Variants in HS6ST3 observed in about 807,000 individuals in gnomAD.
HS6ST3 encodes heparan sulfate 6-O-sulfotransferase 3.
A neutral mutation model predicts 36.7 loss-of-function variants in HS6ST3; 12 were observed. The observed-to-expected ratio is 0.33, with a 90% CI of 0.21 to 0.53. The LOEUF is 0.53. Ranked by LOEUF, HS6ST3 falls within the 20% of genes least tolerant of loss-of-function variation. HS6ST3 has a pLI of 0.95. For missense variants in HS6ST3, 584 were observed against 640.9 expected (o/e 0.91, Z 0.96); for synonymous variants, 240 against 257.5 (o/e 0.93, Z 0.65).
At chr13:96,457,175 A>C (rs528604118) in intron 1 of HS6ST3, among the ~76,000 whole-genome samples, 1 of 152,244 alleles carries the variant, frequency 6.6e-6, no homozygotes, top group South Asian at 2.1e-4. Flanking sequence ...TCAGTGGACA[A>C]ACACTTATTC....
chr13:96,597,774 T>A (rs2056407442), intron 1 of HS6ST3, among the ~76,000 whole-genome samples: 1 of 152,136 alleles, frequency 6.6e-6, no homozygotes, highest in African/African-American at 2.4e-5. Flanking sequence ...TATTTTTTCT[T>A]AAGTTTTCTT....
intron 1 of HS6ST3, among the ~76,000 whole-genome samples, chr13:96,350,119 C>T (rs913159908): frequency 3.3e-5 from 5 of 152,196 alleles, no homozygotes; most frequent in Non-Finnish European, 7.3e-5. Flanking sequence ...GCCCAGATTG[C>T]ATAGTCTGCC....
Position 96,527,966 on chromosome 13 carries a change from C to T in HS6ST3, c.708-304524C>T, listed in dbSNP as rs150006893. 5.3e-5 allele frequency among the ~76,000 whole-genome samples: 8 copies of T among 152,220 alleles called. No homozygotes were observed. In the East Asian group the frequency reaches 1.2e-3, roughly 22 times the overall value. On this transcript the variant is annotated intron_variant, in intron 1 of 1. Coordinates refer to ENST00000376705, the MANE Select transcript of HS6ST3 (RefSeq NM_153456.4). Reference sequence around the variant, plus strand: ...CCTAGTGCCTTTCAAGGTGGGGGCACTAAACTCTTGTAGTCCCTATATTCT... The same window carrying T: ...CCTAGTGCCTTTCAAGGTGGGGGCATTAAACTCTTGTAGTCCCTATATTCT...
chr13:96,595,101 A>G (rs1444720474), intron 1 of HS6ST3, among the ~76,000 whole-genome samples: 1 of 152,144 alleles, frequency 6.6e-6, no homozygotes, highest in Non-Finnish European at 1.5e-5. Flanking sequence ...GCTGGAGTGC[A>G]GTGGCACAAT....
chr13:96,452,949 A>G (rs1042594943), intron 1 of HS6ST3, among the ~76,000 whole-genome samples: 1 of 152,106 alleles, frequency 6.6e-6, no homozygotes, highest in Non-Finnish European at 1.5e-5. Context: ...CTGGCAAGAG[A>G]CATGAGACCC....
intron 1 of HS6ST3, among the ~76,000 whole-genome samples, chr13:96,715,130 C>T (rs1205428481): frequency 6.6e-6 from 1 of 151,876 alleles, no homozygotes; most frequent in Admixed American, 6.6e-5. Flanking sequence ...AAACAAAAAT[C>T]CTGAATGAAG....
rs1042833055 is a variant in HS6ST3, at chr13:96,465,410, G to T, written c.708-367080G>T. Among the ~76,000 whole-genome samples, 3 of 152,154 alleles carry T rather than the reference G, an allele frequency of 2.0e-5. 1 individual carries two copies. The highest frequency in any genetic ancestry group is 4.8e-5 in the African/African-American group (2 of 41,438). ...AGGGAATACTACACAGCAATGAAAA[G>T]AATTGAAATACAGTTTGAGACTTCC... On this transcript the variant is annotated intron_variant, in intron 1 of 1. Coordinates refer to ENST00000376705, the MANE Select transcript of HS6ST3 (RefSeq NM_153456.4).
intron 1 of HS6ST3, among the ~76,000 whole-genome samples, chr13:96,535,031 C>T (rs2056149643): frequency 6.6e-6 from 1 of 152,044 alleles, no homozygotes; most frequent in Non-Finnish European, 1.5e-5. Context: ...GTAAGGCCTG[C>T]CCAGCTGTGT....
At chr13:96,162,278 T>G (rs1167432168) in intron 1 of HS6ST3, among the ~76,000 whole-genome samples, 2 of 152,070 alleles carry the variant, frequency 1.3e-5, no homozygotes, top group Non-Finnish European at 2.9e-5. Context: ...AAAGAGAAAG[T>G]AGAATAAGGG....
intron 1 of HS6ST3, among the ~76,000 whole-genome samples, chr13:96,427,659 C>T (rs184603690): frequency 2.3e-4 from 35 of 152,278 alleles, no homozygotes; most frequent in Non-Finnish European, 4.1e-4. Flanking sequence ...TATTTAACAT[C>T]TTGCATAATT....
intron 1 of HS6ST3, among the ~76,000 whole-genome samples, chr13:96,662,793 C>G (rs936039571): frequency 6.6e-6 from 1 of 151,974 alleles, no homozygotes; most frequent in Non-Finnish European, 1.5e-5. Context: ...GGGATGTTTT[C>G]TTTCCTCTTG....
chr13:96,701,689 G>A (rs951248296), intron 1 of HS6ST3, among the ~76,000 whole-genome samples: 9 of 152,158 alleles, frequency 5.9e-5, no homozygotes, highest in African/African-American at 2.2e-4. Flanking sequence ...ACCAGGCACG[G>A]TGTCTCACGC....
chr13:96,788,862 G>A (rs936519315), intron 1 of HS6ST3, among the ~76,000 whole-genome samples: 1 of 151,730 alleles, frequency 6.6e-6, no homozygotes, highest in Non-Finnish European at 1.5e-5. Flanking sequence ...CTTTTGATTA[G>A]TGTTTGCATG....
rs1035063943 is a variant in HS6ST3 at position 96,219,712 on chromosome 13, C to A, written c.707+128143C>A. 5.9e-5 allele frequency among the ~76,000 whole-genome samples: 9 copies of A among 151,922 alleles called. No individual in the cohort carries two copies. In the East Asian group the frequency reaches 1.4e-3, roughly 23 times the overall value. ...TTCTTTTTTTTTTTTGAGACGAAGT[C>A]TCACTCTGTCATCCAGGCTGGAGTG... On this transcript the variant is annotated intron_variant, in intron 1 of 1. Transcript: ENST00000376705.
chr13:96,524,894 C>T (rs987956587), intron 1 of HS6ST3, among the ~76,000 whole-genome samples: 1 of 152,192 alleles, frequency 6.6e-6, no homozygotes, highest in East Asian at 1.9e-4. Context: ...TGAGATGAAC[C>T]AGGTACCTTA....
At chr13:96,356,500 C>T (rs2055210851) in intron 1 of HS6ST3, among the ~76,000 whole-genome samples, 1 of 152,082 alleles carries the variant, frequency 6.6e-6, no homozygotes, top group African/African-American at 2.4e-5. Flanking sequence ...ACATTAATCT[C>T]CTTGTACATT....
At chr13:96,561,731 A>T (rs892287366) in intron 1 of HS6ST3, among the ~76,000 whole-genome samples, 1 of 152,222 alleles carries the variant, frequency 6.6e-6, no homozygotes, top group Non-Finnish European at 1.5e-5. Flanking sequence ...AGGAACAGAC[A>T]CTTCTCAAAA....
chr13:96,275,325 T>C (rs1334004286), intron 1 of HS6ST3, among the ~76,000 whole-genome samples: 2 of 152,184 alleles, frequency 1.3e-5, no homozygotes, highest in Admixed American at 6.6e-5. Context: ...ATCAATTTCA[T>C]GCCTGACTAG....
chr13:96,630,415 A>C (rs2056527988), intron 1 of HS6ST3, among the ~76,000 whole-genome samples: 1 of 152,230 alleles, frequency 6.6e-6, no homozygotes, highest in Non-Finnish European at 1.5e-5. Context: ...AGAAAGCATG[A>C]ATGTGGGTCA....
Sources: allele counts gnomAD v4.1 joint callset (sites outside exome capture counted in the v4.1 genomes callset), GRCh38; gene constraint gnomAD v4.1.1; transcripts MANE v1.5; gene names NCBI Gene and HGNC (gene_info 2026-07-23, HGNC 2026-07-21).